PRDM2: variants seen among roughly 807,000 people sequenced by gnomAD.
PRDM2 encodes PR/SET domain 2.
A neutral mutation model predicts 130.0 loss-of-function variants in PRDM2; 30 were observed. The observed-to-expected ratio is 0.23, with a 90% CI of 0.17 to 0.31. The LOEUF is 0.31. PRDM2 is among the 10% of genes least tolerant of loss of function. The probability of loss-of-function intolerance (pLI) is 1.00; values close to 1 mark genes in which losing one functional copy is unlikely to be tolerated. For synonymous variants in PRDM2, 871 were observed against 782.4 expected, an observed-to-expected ratio of 1.11 and a Z score of -1.89; for missense variants, 2,011 against 2,108.4, an observed-to-expected ratio of 0.95 and a Z score of 0.90.
intron 2 of PRDM2, among the ~76,000 whole-genome samples, chr1:13,730,760 G>C (rs1430565300): frequency 6.6e-6 from 1 of 152,136 alleles, no homozygotes; most frequent in Non-Finnish European, 1.5e-5. Flanking sequence ...GCCACAGGTG[G>C]CTGGAACAAA....
chr1:13,749,505 C>G lies in PRDM2; in HGVS notation c.511+18C>G, dbSNP rs748216562. On this transcript the variant is annotated intron_variant, in intron 6 of 9. Transcript: ENST00000311066. The stretch of plus-strand genomic sequence containing the variant: ...CCGGAAAGGTAGGAGCCCCCCGGCC[C>G]GCCCGCCCGGCCCCGGCGCCACGCC... 1.5e-6 allele frequency: 2 copies of G among 1,333,558 alleles called. No individual in the cohort carries two copies. The highest frequency in any genetic ancestry group is 2.7e-5 in the South Asian group (2 of 75,240). The allele number at this position is 1,333,558 out of a possible 1,614,324, so 82.6% of individuals were successfully genotyped here. A position where few individuals can be genotyped will look rare whatever the true frequency, so the allele number is the denominator to read the frequency against.
chr1:13,800,294 T>C (rs1185340253), intron 8 of PRDM2, among the ~76,000 whole-genome samples: 1 of 152,194 alleles, frequency 6.6e-6, no homozygotes, highest in Non-Finnish European at 1.5e-5. Context: ...AATAGAGACT[T>C]CTGGAGTGGA....
intron 8 of PRDM2, chr1:13,783,037 C>A: frequency 8.4e-7 from 1 of 1,190,230 alleles, no homozygotes; most frequent in Non-Finnish European, 1.2e-6. Flanking sequence ...TTAGGACTCA[C>A]AAAGCAGTGC....
At chr1:13,774,498 T>C (rs909926152) in intron 7 of PRDM2, among the ~76,000 whole-genome samples, 7 of 152,222 alleles carry the variant, frequency 4.6e-5, no homozygotes, top group Non-Finnish European at 1.0e-4. Context: ...TCCCAGAGTC[T>C]TAAGACTAAG....
At chr1:13,749,616 T>A in intron 6 of PRDM2, 129 bp downstream of exon 6, 3 of 471,276 alleles carry the variant, frequency 6.4e-6, no homozygotes, top group Non-Finnish European at 8.3e-6. Context: ...GCCCGCGGCA[T>A]CTCGGTGACC....
chr1:13,778,185 G>A (rs951725579), intron 7 of PRDM2, among the ~76,000 whole-genome samples: 3 of 152,144 alleles, frequency 2.0e-5, no homozygotes, highest in Admixed American at 6.5e-5. Flanking sequence ...CCTCACTGCC[G>A]GGAATATTGC....
chr1:13,764,920 C>T (rs940402379), intron 6 of PRDM2, among the ~76,000 whole-genome samples: 5 of 152,146 alleles, frequency 3.3e-5, no homozygotes, highest in Admixed American at 2.6e-4. Flanking sequence ...TTATGCCAAA[C>T]GAGCTTAACA....
At chr1:13,809,925 G>C (rs987867529) in intron 8 of PRDM2, among the ~76,000 whole-genome samples, 10 of 152,162 alleles carry the variant, frequency 6.6e-5, no homozygotes, top group African/African-American at 2.4e-4. Flanking sequence ...TCTGGTCGAG[G>C]CTCTCTTCCT....
intron 9 of PRDM2, among the ~76,000 whole-genome samples, chr1:13,821,970 CCT>C (rs1205195773): frequency 1.3e-5 from 2 of 152,216 alleles, no homozygotes; most frequent in African/African-American, 4.8e-5. Flanking sequence ...AGTTATTTCT[CCT>C]CTCTGAGCCT....
chr1:13,725,430 C>G (rs1642880991), intron 2 of PRDM2, among the ~76,000 whole-genome samples: 1 of 152,160 alleles, frequency 6.6e-6, no homozygotes, highest in African/African-American at 2.4e-5. Context: ...GTCTTGAACT[C>G]CTGACCTCAA....
chr1:13,780,760 C>A lies in PRDM2; in HGVS notation c.2965C>A (p.Leu989Ile). ...AACTGTTGCCACTCCGCCCCCTCCC[C>A]TCCTTCCTACCGTACCTCTTCCAGC... ...VLTVATPPPP[L>I]LPTVPLPAPS... The change falls in exon 8 of 10, where the codon CTC (leucine) becomes ATC (isoleucine). Residue 989 changes from leucine (L) to isoleucine (I), a missense_variant. Leu to Ile is a conservative substitution (Grantham distance 5). This residue lies in a region of PRDM2 where 1,288 missense variants were observed against 1,237.7 expected (regional missense o/e 1.04). Transcript: ENST00000311066. The A allele has an allele frequency of 6.4e-7, 1 of 1,574,214 alleles. No individual in the cohort carries two copies. Among genetic ancestry groups the A allele is most frequent in the Non-Finnish European group, 8.6e-7 (1 of 1,157,634 alleles).
rs1436903405 is a variant in PRDM2, at chr1:13,756,249, C to T, written c.511+6762C>T. Among the ~76,000 whole-genome samples the T allele has an allele frequency of 7.0e-5, 10 of 143,506 alleles. No homozygotes were observed. In the East Asian group the frequency reaches 1.8e-3, roughly 26 times the overall value. The allele number at this position is 143,506 out of a possible 152,430, so 94.1% of individuals were successfully genotyped here. On this transcript the variant is annotated intron_variant, in intron 6 of 9. Transcript: ENST00000311066. ...CAGCACTCCAGCCTGGGCAACAGAGCGAGACTCCTTCTCAAAAAAAAAAAA... is the reference window on the plus strand; with the variant it reads ...CAGCACTCCAGCCTGGGCAACAGAGTGAGACTCCTTCTCAAAAAAAAAAAA...
intron 8 of PRDM2, among the ~76,000 whole-genome samples, chr1:13,784,153 G>T (rs1049581219): frequency 1.3e-5 from 2 of 152,162 alleles, no homozygotes; most frequent in African/African-American, 2.4e-5. Flanking sequence ...CCAACGCTCG[G>T]TCTCTGGCCG....
At chr1:13,713,635 GT>G (rs1642440450) in intron 1 of PRDM2, among the ~76,000 whole-genome samples, 1 of 152,188 alleles carries the variant, frequency 6.6e-6, no homozygotes, top group Admixed American at 6.5e-5. Context: ...TACCGCAGAT[GT>G]TTTTTGTTCT....
At chr1:13,706,221 A>T (rs112356868) in intron 1 of PRDM2, among the ~76,000 whole-genome samples, 1 of 152,080 alleles carries the variant, frequency 6.6e-6, no homozygotes, top group Non-Finnish European at 1.5e-5. Context: ...CTTGACTGCA[A>T]TTCAAACCCT....
At chr1:13,712,757 C>T (rs1044286577) in intron 1 of PRDM2, among the ~76,000 whole-genome samples, 2 of 152,180 alleles carry the variant, frequency 1.3e-5, no homozygotes, top group Non-Finnish European at 2.9e-5. Flanking sequence ...GAGACTCCGT[C>T]TCAAAAAACA....
intron 8 of PRDM2, among the ~76,000 whole-genome samples, chr1:13,801,142 C>T (rs986352967): frequency 6.6e-6 from 1 of 152,132 alleles, no homozygotes; most frequent in Non-Finnish European, 1.5e-5. Flanking sequence ...GCAGGGGCAT[C>T]GACGTGAGCG....
At chr1:13,801,774 G>T (rs574193589) in intron 8 of PRDM2, among the ~76,000 whole-genome samples, 3 of 152,376 alleles carry the variant, frequency 2.0e-5, no homozygotes, top group African/African-American at 7.2e-5. Context: ...ACTGAACCTG[G>T]TTTCGGGAAA....
At chr1:13,706,381 C>T (rs1642211730) in intron 1 of PRDM2, among the ~76,000 whole-genome samples, 2 of 152,206 alleles carry the variant, frequency 1.3e-5, no homozygotes, top group Non-Finnish European at 2.9e-5. Context: ...CTTAGTCCAT[C>T]CCAGGTGCTA....
Sources: gnomAD v4.1 joint callset for allele counts (sites outside exome capture counted in the v4.1 genomes callset) on GRCh38, gnomAD v4.1.1 for gene constraint, gnomAD v4.1.1 regional missense constraint, MANE v1.5 for transcripts, NCBI Gene and HGNC (gene_info 2026-07-23, HGNC 2026-07-21) for gene names.